The following TAF2 variants were observed in gnomAD, a reference collection of about 807,000 sequenced individuals.
The protein encoded by TAF2 is TATA-box binding protein associated factor 2, also known as transcription initiation factor TFIID subunit 2.
Under a neutral mutation model 138.5 loss-of-function variants are expected in TAF2, and 61 were observed. The observed-to-expected ratio is 0.44, with a 90% confidence interval of 0.36 to 0.54. TAF2 has a LOEUF of 0.54. TAF2 is among the 20% of genes least tolerant of loss of function. The pLI is 0.00. For synonymous variants in TAF2, 475 were observed against 469.9 expected (o/e 1.01, Z -0.14); for missense variants, 1,090 against 1,427.9 (o/e 0.76, Z 3.81).
At chr8:119,811,142 G>A (rs1173283777) in intron 3 of TAF2, among the ~76,000 whole-genome samples, 1 of 151,980 alleles carries the variant, frequency 6.6e-6, no homozygotes, top group Non-Finnish European at 1.5e-5. Context: ...CCTCCTTACA[G>A]AAATGCAACT....
chr8:119,803,643 G>C (rs1427110872), intron 5 of TAF2, among the ~76,000 whole-genome samples: 1 of 149,390 alleles, frequency 6.7e-6, no homozygotes, highest in Non-Finnish European at 1.5e-5. Flanking sequence ...AGTGAGCAGA[G>C]ATAGCACCCC....
intron 25 of TAF2, among the ~76,000 whole-genome samples, chr8:119,740,677 AAAG>A (rs1428669607): frequency 6.8e-5 from 4 of 58,630 alleles, no homozygotes; most frequent in African/African-American, 2.5e-4. Flanking sequence ...AAAAAAAAAA[AAAG>A]AAAAGAAAAG....
intron 18 of TAF2, among the ~76,000 whole-genome samples, chr8:119,763,104 C>A (rs1821177555): frequency 6.6e-6 from 1 of 152,110 alleles, no homozygotes; most frequent in Non-Finnish European, 1.5e-5. Flanking sequence ...ACACAAACTG[C>A]CAAGAGACTG....
intron 22 of TAF2, among the ~76,000 whole-genome samples, chr8:119,753,348 C>T (rs1820482938): frequency 6.6e-6 from 1 of 152,042 alleles, no homozygotes; most frequent in Admixed American, 6.6e-5. Flanking sequence ...AAAAGTATTT[C>T]TTAGATCAGA....
At chr8:119,797,500 T>C (rs887697018) in intron 7 of TAF2, among the ~76,000 whole-genome samples, 162 bp downstream of exon 7, 5 of 152,154 alleles carry the variant, frequency 3.3e-5, no homozygotes, top group Non-Finnish European at 5.9e-5. Context: ...TTCATGTTTT[T>C]CTACATTTAA....
chr8:119,813,101 G>A (rs547596390), intron 3 of TAF2, among the ~76,000 whole-genome samples: 1 of 151,890 alleles, frequency 6.6e-6, no homozygotes, highest in Admixed American at 6.6e-5. Flanking sequence ...GCCAACATCT[G>A]TTTTTTTTGT....
intron 18 of TAF2, among the ~76,000 whole-genome samples, chr8:119,776,834 G>A (rs1016807487): frequency 3.3e-5 from 5 of 152,088 alleles, no homozygotes; most frequent in Non-Finnish European, 7.4e-5. Flanking sequence ...CAGTTTGAGG[G>A]TCACTACTTC....
chr8:119,797,235 T>C (rs1216768415), intron 7 of TAF2, 132 bp from the exon 8 acceptor site: 1 of 719,886 alleles, frequency 1.4e-6, no homozygotes, highest in Non-Finnish European at 2.3e-6. Context: ...TCTAATCTTT[T>C]CAAAATTTAG....
At chr8:119,823,158 A>G (rs888637992) in intron 2 of TAF2, among the ~76,000 whole-genome samples, 1 of 152,200 alleles carries the variant, frequency 6.6e-6, no homozygotes, top group South Asian at 2.1e-4. Context: ...CTTTAGATCT[A>G]TGCTATCCTC....
At chr8:119,789,894 A>G (rs1823298378) in intron 11 of TAF2, 148 bp from the exon 12 acceptor site, 1 of 793,028 alleles carries the variant, frequency 1.3e-6, no homozygotes, top group Non-Finnish European at 2.0e-6. Flanking sequence ...AAAGACTACT[A>G]GCAATAGAAA....
chr8:119,813,683 T>C (rs1423830159), intron 3 of TAF2, among the ~76,000 whole-genome samples: 5 of 152,252 alleles, frequency 3.3e-5, no homozygotes, highest in African/African-American at 1.2e-4. Flanking sequence ...AATAATTCTG[T>C]AGCCTGAAGA....
intron 4 of TAF2, among the ~76,000 whole-genome samples, chr8:119,804,535 A>G (rs1586488284): frequency 6.6e-6 from 1 of 152,134 alleles, no homozygotes; most frequent in African/African-American, 2.4e-5. Context: ...ACAAGATCTG[A>G]TGGTTTTCAA....
chr8:119,748,747 A>T (rs1415029832), intron 22 of TAF2, among the ~76,000 whole-genome samples: 1 of 152,154 alleles, frequency 6.6e-6, no homozygotes, highest in Non-Finnish European at 1.5e-5. Context: ...AGGTTATCAG[A>T]TTCCTGGGGC....
intron 3 of TAF2, among the ~76,000 whole-genome samples, chr8:119,809,022 C>G (rs1019047838): frequency 4.4e-4 from 67 of 152,178 alleles, no homozygotes; most frequent in African/African-American, 1.5e-3. Flanking sequence ...AAAGAGTCAG[C>G]CCGTCCTTTG....
At chr8:119,804,578 C>G (rs1282689141) in intron 4 of TAF2, among the ~76,000 whole-genome samples, 1 of 152,180 alleles carries the variant, frequency 6.6e-6, no homozygotes, top group Non-Finnish European at 1.5e-5. Context: ...CTCTCTCTCT[C>G]TCTTTTTGCT....
intron 16 of TAF2, 145 bp downstream of exon 16, chr8:119,783,236 C>T (rs1249104866): frequency 1.4e-5 from 11 of 810,894 alleles, no homozygotes; most frequent in African/African-American, 1.7e-5. Flanking sequence ...TCAAAACAGT[C>T]CTATTAATTT....
At chr8:119,800,986 G>A (rs778301588) in intron 6 of TAF2, among the ~76,000 whole-genome samples, 2 of 152,190 alleles carry the variant, frequency 1.3e-5, no homozygotes, top group Non-Finnish European at 2.9e-5. Context: ...CCTGTCAATT[G>A]ATAAATGAAT....
chr8:119,756,204 T>C lies in TAF2; in HGVS notation c.2769-89A>G, dbSNP rs115963037. On this transcript the variant is annotated intron_variant, in intron 21 of 25. Transcript: ENST00000378164. Reference sequence around the variant, plus strand: ...ACAACATAAACACTGAAAAATTATCTGTAGTTCCTCCTTCCTATTTTAACA... The same window carrying C: ...ACAACATAAACACTGAAAAATTATCCGTAGTTCCTCCTTCCTATTTTAACA... The C allele has an allele frequency of 2.5e-3, 2,105 of 847,304 alleles. 28 individuals carry two copies. In the African/African-American group the frequency reaches 0.032, roughly 13 times the overall value. The allele number at this position is 847,304 out of a possible 1,614,324, so 52.5% of individuals were successfully genotyped here. A position where few individuals can be genotyped will look rare whatever the true frequency, so the allele number is the denominator to read the frequency against.
At position 119,827,837 on chromosome 8, in the gene TAF2, G is replaced by A. The variant is rs542671631; in HGVS notation, c.138+3840C>T. ...CGGCTCACTGCAACCTCTGCCTCCC[G>A]TGTTCAAGTGATTCTCCTGCCTCAG... On this transcript the variant is annotated intron_variant, in intron 2 of 25. Coordinates refer to ENST00000378164, the MANE Select transcript of TAF2 (RefSeq NM_003184.4). 2.6e-5 allele frequency among the ~76,000 whole-genome samples: 4 copies of A among 151,276 alleles called. No individual in the cohort carries two copies. The South Asian group carries it at 6.3e-4, about 24-fold the overall frequency.
Sources: allele counts gnomAD v4.1 joint callset (sites outside exome capture counted in the v4.1 genomes callset), GRCh38; gene constraint gnomAD v4.1.1; transcripts MANE v1.5; gene names NCBI Gene and HGNC (gene_info 2026-07-23, HGNC 2026-07-21).